Variants in CCDC40 observed in about 807,000 individuals in gnomAD.
The protein encoded by CCDC40 is coiled-coil domain 40 molecular ruler complex subunit, also known as coiled-coil domain-containing protein 40.
Under a neutral mutation model 124.5 loss-of-function variants are expected in CCDC40, and 104 were observed. That is an observed-to-expected ratio of 0.84 (90% CI 0.71 to 0.98). The LOEUF is 0.98. Ranked by LOEUF, CCDC40 falls within the 50% of genes least tolerant of loss-of-function variation. The pLI is 0.00. For missense variants in CCDC40, 1,463 were observed against 1,503.9 expected (o/e 0.97, Z 0.45); for synonymous variants, 580 against 602.9 (o/e 0.96, Z 0.56).
chr17:80,060,828 A>G (rs78160035), intron 9 of CCDC40, among the ~76,000 whole-genome samples: 5,840 of 152,340 alleles, frequency 0.038, 173 homozygotes, highest in East Asian at 0.16. Context: ...AAATTACCAG[A>G]GAGCTAATGA....
intron 10 of CCDC40, among the ~76,000 whole-genome samples, chr17:80,075,075 A>T (rs2038279096): frequency 6.6e-6 from 1 of 151,738 alleles, no homozygotes; most frequent in African/African-American, 2.4e-5. Flanking sequence ...GGTCCTTACC[A>T]CCACACCTGG....
At chr17:80,050,334 A>G (rs571754526) in intron 7 of CCDC40, 51 bp downstream of exon 7, 3 of 1,437,508 alleles carry the variant, frequency 2.1e-6, no homozygotes, top group Admixed American at 3.9e-5. Context: ...AGGGTTTCCC[A>G]GGGGTGTCTC....
At chr17:80,097,740 T>TA (rs1316618356) in intron 19 of CCDC40, 1 of 337,894 alleles carries the variant, frequency 3.0e-6, no homozygotes, top group Non-Finnish European at 5.7e-6. Flanking sequence ...TTTTAAAAGA[T>TA]ACAGTGTGTT....
chr17:80,095,128 G>T, intron 17 of CCDC40, 135 bp from the exon 18 acceptor site: 3 of 798,312 alleles, frequency 3.8e-6, no homozygotes. Flanking sequence ...CCTCCTGGCG[G>T]CACAGGCCTC....
chr17:80,050,251 C>T lies in CCDC40; in HGVS notation c.1127C>T (p.Thr376Ile). The T allele has an allele frequency of 6.3e-7, 1 of 1,585,250 alleles. No individual in the cohort carries two copies. Among genetic ancestry groups the T allele is most frequent in the South Asian group, 1.1e-5 (1 of 88,004 alleles). Residue 376 changes from threonine to isoleucine, a missense_variant, in exon 7 of 20, where the codon ACC (threonine) becomes ATC (isoleucine). Physicochemically the swap from Thr to Ile is moderately conservative, Grantham distance 89. Transcript: ENST00000397545. Reference sequence around the variant, plus strand: ...GCCGCCCGCGCTCTCTACACCAAGACCTGCGCAGCCGCCAACGAGGAGCGC... The same window carrying T: ...GCCGCCCGCGCTCTCTACACCAAGATCTGCGCAGCCGCCAACGAGGAGCGC... ...LQAARALYTK[T>I]CAAANEERKK... is the part of the protein sequence containing the mutation.
At chr17:80,046,391 A>G (rs1159103614) in intron 3 of CCDC40, among the ~76,000 whole-genome samples, 2 of 151,854 alleles carry the variant, frequency 1.3e-5, no homozygotes, top group African/African-American at 2.4e-5. Context: ...AAATTAGACC[A>G]GTGTGGTGGT....
At chr17:80,062,828 T>C (rs113749449) in intron 9 of CCDC40, among the ~76,000 whole-genome samples, 11,779 of 152,176 alleles carry the variant, frequency 0.077, 1,470 homozygotes, top group African/African-American at 0.26. Flanking sequence ...TGGCCTCAAG[T>C]AATCCCCCCG....
intron 16 of CCDC40, 115 bp from the exon 17 acceptor site, chr17:80,089,649 G>T: frequency 1.5e-6 from 2 of 1,292,998 alleles, no homozygotes; most frequent in Non-Finnish European, 1.1e-6. Context: ...TTCTGTCGCA[G>T]CTGCTTGGCT....
rs3764439 is a variant in CCDC40, at chr17:80,037,932, G to T, written c.30-191G>T. The T allele has an allele frequency of 0.13, 71,558 of 548,826 alleles. 5,049 individuals carry two copies. Among genetic ancestry groups the T allele is most frequent in the East Asian group, 0.18 (5,272 of 29,434 alleles). 34.0% of individuals were successfully genotyped at this position (548,826 alleles called of 1,614,324 possible). On this transcript the variant is annotated intron_variant, in intron 1 of 19. Transcript: ENST00000397545. Reference sequence around the variant, plus strand: ...TCATTCATGGAGCTTTGCTTTTGTGGCATCTCCGCCACCTGACAGGCATGA... The same window carrying T: ...TCATTCATGGAGCTTTGCTTTTGTGTCATCTCCGCCACCTGACAGGCATGA...
chr17:80,047,087 C>A (rs1013228722), intron 3 of CCDC40, among the ~76,000 whole-genome samples, 192 bp from the exon 4 acceptor site: 1 of 152,236 alleles, frequency 6.6e-6, no homozygotes, highest in Non-Finnish European at 1.5e-5. Context: ...CTCAAGCGAT[C>A]CACCCGCCTT....
chr17:80,056,016 A>ATATATATATATATTTTTTTT (rs71163913), intron 7 of CCDC40, among the ~76,000 whole-genome samples: 2 of 10,252 alleles, frequency 2.0e-4, no homozygotes, highest in African/African-American at 7.0e-4. Context: ...ATATATATAT[A>ATATATATATATATTTTTTTT]TTTTTTTTTT....
At chr17:80,090,071 C>CCGAG in intron 17 of CCDC40, 187 bp downstream of exon 17, 7 of 1,536,960 alleles carry the variant, frequency 4.6e-6, no homozygotes, top group Non-Finnish European at 6.1e-6. Context: ...TGCACTCCAG[C>CCGAG]CGAGCACTGG....
intron 10 of CCDC40, among the ~76,000 whole-genome samples, chr17:80,078,743 G>T (rs146967427): frequency 9.2e-5 from 14 of 151,908 alleles, no homozygotes; most frequent in African/African-American, 2.9e-4. Context: ...AAATTATTTT[G>T]GTTACTCTAG....
In CCDC40 at chr17:80,087,463, G is replaced by T. The variant is rs149204485; in HGVS notation, c.2450-144G>T. 6.1e-4 allele frequency: 437 copies of T among 711,824 alleles called. 2 individuals carry two copies. The African/African-American group carries it at 6.2e-3, about 10-fold the overall frequency. 44.1% of individuals were successfully genotyped at this position (711,824 alleles called of 1,614,324 possible). ...CCTGGCAGGGACGAGATTCAGGCAG[G>T]AGCGCCAGGAACGACAAGAGGGAGG... On this transcript the variant is annotated intron_variant, in intron 14 of 19. Coordinates refer to ENST00000397545, the MANE Select transcript of CCDC40 (RefSeq NM_017950.4). The surrounding 1 kb of genome is among the most constrained non-coding windows in gnomAD (Gnocchi z 4.5).
chr17:80,037,704 T>A (rs1177023762), intron 1 of CCDC40, among the ~76,000 whole-genome samples: 7 of 136,420 alleles, frequency 5.1e-5, no homozygotes, highest in Non-Finnish European at 8.0e-5. Flanking sequence ...TACATATATA[T>A]ATATATATAT....
At chr17:80,090,849 T>G in intron 17 of CCDC40, 2 of 1,126,958 alleles carry the variant, frequency 1.8e-6, no homozygotes, top group Non-Finnish European at 2.2e-6. Context: ...GAGTTATTTT[T>G]CAGATCAAGT....
chr17:80,047,710 G>GCCCAGC (rs2037464724), intron 4 of CCDC40, among the ~76,000 whole-genome samples: 1 of 152,138 alleles, frequency 6.6e-6, no homozygotes, highest in Non-Finnish European at 1.5e-5. Context: ...ATTCAGTGAC[G>GCCCAGC]CCCAGCCCCA....
At chr17:80,067,780 GC>G in intron 10 of CCDC40, 2 of 1,461,740 alleles carry the variant, frequency 1.4e-6, no homozygotes, top group Non-Finnish European at 1.8e-6. Context: ...TGACAGTCAC[GC>G]CCCCGGCAGC....
At position 80,058,941 on chromosome 17, in the gene CCDC40, A is replaced by G; in HGVS notation, c.1401A>G (p.Gln467=). 1 of 1,614,194 alleles carries G rather than the reference A, an allele frequency of 6.2e-7. No individual in the cohort carries two copies. The highest frequency in any genetic ancestry group is 8.5e-7 in the Non-Finnish European group (1 of 1,180,036). Residue 467 remains glutamine, a synonymous_variant, in exon 9 of 20, where the codon CAA becomes CAG. Coordinates refer to ENST00000397545, the MANE Select transcript of CCDC40 (RefSeq NM_017950.4). The surrounding 1 kb of genome is among the most constrained non-coding windows in gnomAD (Gnocchi z 4.2). ...TGTTTGAGGCTCAGTACTTGGCCCA[A>G]GCTGAGGACACCCGGATTTTAAGGA... is the stretch of plus-strand genomic sequence containing the variant. The part of the protein sequence containing the change: ...IALFEAQYLA[Q]AEDTRILRKA...
Sources: gnomAD v4.1 joint callset for allele counts (sites outside exome capture counted in the v4.1 genomes callset) on GRCh38, gnomAD v4.1.1 for gene constraint, Gnocchi (gnomAD v3.1) non-coding constraint, MANE v1.5 for transcripts, NCBI Gene and HGNC (gene_info 2026-07-23, HGNC 2026-07-21) for gene names.